Variants in SH3RF3 observed in about 807,000 individuals in gnomAD.
SH3RF3 encodes E3 ubiquitin-protein ligase SH3RF3.
A neutral mutation model predicts 66.3 loss-of-function variants in SH3RF3; 29 were observed. The observed-to-expected ratio is 0.44, with a 90% CI of 0.33 to 0.60. The LOEUF is 0.60. Ranked by LOEUF, SH3RF3 falls within the 20% of genes least tolerant of loss-of-function variation. The pLI is 0.04. For missense variants in SH3RF3, 1,194 were observed against 1,190.9 expected (o/e 1.00, Z -0.04); for synonymous variants, 583 against 532.0 (o/e 1.10, Z -1.32).
chr2:109,332,026 G>A (rs769782972), intron 1 of SH3RF3, among the ~76,000 whole-genome samples: 1 of 152,164 alleles, frequency 6.6e-6, no homozygotes, highest in Non-Finnish European at 1.5e-5. Flanking sequence ...AGCGGTTACC[G>A]GAAATCTGTG....
intron 2 of SH3RF3, among the ~76,000 whole-genome samples, chr2:109,357,103 T>C (rs540104963): frequency 8.6e-5 from 13 of 150,840 alleles, no homozygotes; most frequent in Admixed American, 4.6e-4. Flanking sequence ...TTAATACTTA[T>C]ACATAACATA....
chr2:109,221,919 A>G (rs776913237), intron 1 of SH3RF3, among the ~76,000 whole-genome samples: 7 of 152,220 alleles, frequency 4.6e-5, no homozygotes, highest in Non-Finnish European at 1.0e-4. Flanking sequence ...CATTTATTGC[A>G]GCACTAGTCA....
chr2:109,308,200 T>G (rs1013584960), intron 1 of SH3RF3, among the ~76,000 whole-genome samples: 2 of 132,210 alleles, frequency 1.5e-5, no homozygotes, highest in Middle Eastern at 7.6e-3. Context: ...TTCATGTGTT[T>G]TTTGGCTGCA....
In SH3RF3 at chr2:109,129,492, G is replaced by A. The variant is rs1218175173; in HGVS notation, c.-49G>A. On this transcript the variant is annotated 5_prime_UTR_variant, in exon 1 of 10. Coordinates refer to ENST00000309415, the MANE Select transcript of SH3RF3 (RefSeq NM_001099289.3). ...GGCTGCCGGTGGCGGGCTCCACGCC[G>A]GCCCCGGGACCTAGGCAGCCGCGCG... 1 of 1,494,624 alleles carries A rather than the reference G, an allele frequency of 6.7e-7. No individual in the cohort carries two copies. The highest frequency in any genetic ancestry group is 8.9e-7 in the Non-Finnish European group (1 of 1,128,092). The allele number at this position is 1,494,624 out of a possible 1,614,324, so 92.6% of individuals were successfully genotyped here.
chr2:109,296,512 G>T (rs1681312479), intron 1 of SH3RF3, among the ~76,000 whole-genome samples: 1 of 152,128 alleles, frequency 6.6e-6, no homozygotes, highest in Admixed American at 6.6e-5. Context: ...AAAATGCTGA[G>T]ATTACAGGTG....
At position 109,279,875 on chromosome 2, in the gene SH3RF3, C is replaced by T. The variant is rs183834416; in HGVS notation, c.574-67799C>T. On this transcript the variant is annotated intron_variant, in intron 1 of 9. Transcript: ENST00000309415. ...CTGTAGCGAGGCTTAGGGTATGGGC[C>T]CCTGGGGGGTGAGAGAGGACAAGGG... Among the ~76,000 whole-genome samples, 85 of 151,584 alleles carry T rather than the reference C, an allele frequency of 5.6e-4. 1 individual carries two copies. The highest frequency in any genetic ancestry group is 1.7e-3 in the African/African-American group (69 of 41,254).
At chr2:109,292,710 A>G (rs1211098637) in intron 1 of SH3RF3, among the ~76,000 whole-genome samples, 1 of 152,164 alleles carries the variant, frequency 6.6e-6, no homozygotes, top group Non-Finnish European at 1.5e-5. Context: ...GGTCCATGTA[A>G]CAGCAATTTG....
At chr2:109,313,406 A>C (rs1453930773) in intron 1 of SH3RF3, among the ~76,000 whole-genome samples, 1 of 152,224 alleles carries the variant, frequency 6.6e-6, no homozygotes, top group Non-Finnish European at 1.5e-5. Context: ...TCATATTTTA[A>C]GATGTGCTCA....
intron 1 of SH3RF3, among the ~76,000 whole-genome samples, chr2:109,314,823 A>G (rs1211758545): frequency 6.6e-6 from 1 of 152,202 alleles, no homozygotes; most frequent in East Asian, 1.9e-4. Context: ...ATTTCTGTCT[A>G]GTGAATAGGA....
intron 1 of SH3RF3, among the ~76,000 whole-genome samples, chr2:109,266,406 A>G (rs1177764295): frequency 6.6e-6 from 1 of 152,040 alleles, no homozygotes; most frequent in Non-Finnish European, 1.5e-5. Context: ...GTGTCCTCCG[A>G]TACAACAAGA....
chr2:109,231,433 C>G (rs1369047087), intron 1 of SH3RF3, among the ~76,000 whole-genome samples: 1 of 152,224 alleles, frequency 6.6e-6, no homozygotes, highest in Non-Finnish European at 1.5e-5. Flanking sequence ...GGATGCTTTG[C>G]TTTTCTCGTG....
chr2:109,224,229 C>G (rs1321488446), intron 1 of SH3RF3, among the ~76,000 whole-genome samples: 4 of 152,164 alleles, frequency 2.6e-5, no homozygotes, highest in Non-Finnish European at 4.4e-5. Context: ...GCTTGAATAG[C>G]TAATCAGATC....
At chr2:109,271,407 A>G (rs988408818) in intron 1 of SH3RF3, among the ~76,000 whole-genome samples, 2 of 152,222 alleles carry the variant, frequency 1.3e-5, no homozygotes, top group African/African-American at 4.8e-5. Flanking sequence ...GAGTAAAAAC[A>G]TTTCACATTT....
intron 1 of SH3RF3, among the ~76,000 whole-genome samples, chr2:109,274,035 T>C (rs1409973123): frequency 1.3e-5 from 2 of 152,322 alleles, no homozygotes; most frequent in East Asian, 1.9e-4. Flanking sequence ...GCCAGTAATA[T>C]TACCTCCTAT....
At chr2:109,303,155 C>T (rs889179782) in intron 1 of SH3RF3, among the ~76,000 whole-genome samples, 1 of 152,196 alleles carries the variant, frequency 6.6e-6, no homozygotes, top group African/African-American at 2.4e-5. Context: ...GGACTGCAGG[C>T]GTGAGCCACC....
At chr2:109,294,499 T>A (rs1243168005) in intron 1 of SH3RF3, among the ~76,000 whole-genome samples, 1 of 149,940 alleles carries the variant, frequency 6.7e-6, no homozygotes, top group Middle Eastern at 3.4e-3. Flanking sequence ...AGGTGGAGGT[T>A]GCAGTGAGCC....
chr2:109,501,508 G>A lies in SH3RF3; in HGVS notation c.2486G>A (p.Arg829His), dbSNP rs1193350267. The change falls in exon 10 of 10, where the codon CGC (arginine) becomes CAC (histidine). Residue 829 changes from arginine to histidine, a missense_variant. Physicochemically the swap from Arg to His is conservative, Grantham distance 29. Coordinates refer to ENST00000309415, the MANE Select transcript of SH3RF3 (RefSeq NM_001099289.3). ...CCACTGTGCTGTTTCCCCAGGTACC[G>A]CGTGGTGGTCTCGTACCCACCCCAG... ...EPKLLPRERY[R>H]VVVSYPPQSE... 3 of 777,424 alleles carry A rather than the reference G, an allele frequency of 3.9e-6. No individual in the cohort carries two copies. The highest frequency in any genetic ancestry group is 3.4e-5 in the African/African-American group (2 of 59,096). 48.2% of individuals were successfully genotyped at this position (777,424 alleles called of 1,614,324 possible). A position where few individuals can be genotyped will look rare whatever the true frequency, so the allele number is the denominator to read the frequency against.
chr2:109,288,031 C>G (rs1574551945), intron 1 of SH3RF3, among the ~76,000 whole-genome samples: 1 of 66,794 alleles, frequency 1.5e-5, no homozygotes, highest in South Asian at 6.0e-4. Context: ...TGGCTGACTG[C>G]CACCAGCAGG....
At chr2:109,331,846 A>G (rs1682294353) in intron 1 of SH3RF3, among the ~76,000 whole-genome samples, 1 of 152,278 alleles carries the variant, frequency 6.6e-6, no homozygotes, top group African/African-American at 2.4e-5. Context: ...GCACCCTGTC[A>G]TGCCCCTGGG....
Sources: allele counts gnomAD v4.1 joint callset (sites outside exome capture counted in the v4.1 genomes callset), GRCh38; gene constraint gnomAD v4.1.1; transcripts MANE v1.5; gene names NCBI Gene and HGNC (gene_info 2026-07-23, HGNC 2026-07-21).